Variants in ARHGAP35 observed in about 807,000 individuals in gnomAD.
ARHGAP35 encodes Rho GTPase activating protein 35.
ARHGAP35 carries 15 observed loss-of-function variants against 111.1 expected under a neutral mutation model. That is an observed-to-expected ratio of 0.13 (90% confidence interval 0.09 to 0.21). The LOEUF is 0.21. ARHGAP35 is among the 10% of genes least tolerant of loss of function. The probability of loss-of-function intolerance (pLI) is 1.00; values close to 1 mark genes in which losing one functional copy is unlikely to be tolerated. For synonymous variants in ARHGAP35, 643 were observed against 710.3 expected (o/e 0.91, Z 1.51); for missense variants, 1,262 against 1,873.0 (o/e 0.67, Z 6.02).
At chr19:46,904,918 T>C (rs1412509002) in intron 1 of ARHGAP35, among the ~76,000 whole-genome samples, 1 of 152,174 alleles carries the variant, frequency 6.6e-6, no homozygotes. Context: ...CGCGTTCCTG[T>C]TCTCCAGCCA....
intron 3 of ARHGAP35, among the ~76,000 whole-genome samples, chr19:46,959,892 G>A (rs1975597116): frequency 6.6e-6 from 1 of 151,650 alleles, no homozygotes; most frequent in South Asian, 2.1e-4. Flanking sequence ...GAGCCTAGGA[G>A]TTCGAGACCA....
chr19:47,001,296 T>C lies in ARHGAP35; in HGVS notation c.*608T>C. 2 of 1,290,138 alleles carry C rather than the reference T, an allele frequency of 1.6e-6. No homozygotes were observed. The highest frequency in any genetic ancestry group is 2.0e-6 in the Non-Finnish European group (2 of 989,230). 79.9% of individuals were successfully genotyped at this position (1,290,138 alleles called of 1,614,324 possible). ...TAGCTTTGTGCCTGGACCCAGAGAGTGTGGGACTCCCCGCTTCATCCCCAC... is the reference window on the plus strand; with the variant it reads ...TAGCTTTGTGCCTGGACCCAGAGAGCGTGGGACTCCCCGCTTCATCCCCAC... On this transcript the variant is annotated 3_prime_UTR_variant, in exon 7 of 7. Coordinates refer to ENST00000672722, the MANE Select transcript of ARHGAP35 (RefSeq NM_004491.5). The surrounding 1 kb of genome is among the most constrained non-coding windows in gnomAD (Gnocchi z 5.4).
At chr19:46,912,626 G>A (rs796118982) in intron 1 of ARHGAP35, among the ~76,000 whole-genome samples, 30 of 152,186 alleles carry the variant, frequency 2.0e-4, no homozygotes, top group African/African-American at 7.0e-4. Context: ...AAAGTGTTGC[G>A]ATTACAGGCA....
chr19:46,928,474 G>T (rs1186866918), intron 2 of ARHGAP35, among the ~76,000 whole-genome samples: 1 of 152,122 alleles, frequency 6.6e-6, no homozygotes, highest in African/African-American at 2.4e-5. Flanking sequence ...GCGTTGGAAA[G>T]TCCAAATTCA....
chr19:46,940,777 G>A (rs952894078), intron 3 of ARHGAP35, among the ~76,000 whole-genome samples: 1 of 151,952 alleles, frequency 6.6e-6, no homozygotes, highest in Non-Finnish European at 1.5e-5. Flanking sequence ...TAGTTTTTTG[G>A]ATATTTCATC....
intron 3 of ARHGAP35, among the ~76,000 whole-genome samples, chr19:46,982,462 G>A (rs937835762): frequency 6.6e-6 from 1 of 150,750 alleles, no homozygotes; most frequent in Non-Finnish European, 1.5e-5. Context: ...GGGCAACAGA[G>A]TGAGACTTTG....
At chr19:46,929,545 T>C (rs932032639) in intron 2 of ARHGAP35, among the ~76,000 whole-genome samples, 6 of 151,546 alleles carry the variant, frequency 4.0e-5, no homozygotes, top group African/African-American at 1.5e-4. Flanking sequence ...CAGATGGCAC[T>C]GTCCATGTTC....
At chr19:46,927,413 A>G (rs1272398618) in intron 2 of ARHGAP35, among the ~76,000 whole-genome samples, 1 of 152,230 alleles carries the variant, frequency 6.6e-6, no homozygotes, top group Non-Finnish European at 1.5e-5. Flanking sequence ...AAACTGCGGT[A>G]TCAGGAAAGC....
At chr19:46,895,252 C>T (rs1224445844) in intron 1 of ARHGAP35, among the ~76,000 whole-genome samples, 2 of 151,924 alleles carry the variant, frequency 1.3e-5, no homozygotes, top group African/African-American at 4.8e-5. Context: ...CAAGCTCCAC[C>T]TCCCGGGTTC....
chr19:46,939,264 C>T (rs188144176), intron 3 of ARHGAP35, among the ~76,000 whole-genome samples: 2 of 152,178 alleles, frequency 1.3e-5, no homozygotes, highest in East Asian at 3.9e-4. Flanking sequence ...CGTGAGCTAC[C>T]ATGCCTGGCT....
At position 46,988,113 on chromosome 19, in the gene ARHGAP35, C is replaced by G; in HGVS notation, c.3904+47C>G. On this transcript the variant is annotated intron_variant, in intron 4 of 6. Transcript: ENST00000672722. This position sits in a 1 kb window ranked among gnomAD's most constrained non-coding sequence, Gnocchi z 5.4. ...CATCCGAGGCCAGAGCTGGTCAAGG[C>G]AGACACAGCTGCCTCGGTGAACTGT... 6.4e-7 allele frequency: 1 copy of G among 1,572,932 alleles called. No homozygotes were observed. Among genetic ancestry groups the G allele is most frequent in the Non-Finnish European group, 8.7e-7 (1 of 1,148,294 alleles).
At chr19:46,872,516 T>C (rs189851623) in intron 1 of ARHGAP35, among the ~76,000 whole-genome samples, 9 of 152,038 alleles carry the variant, frequency 5.9e-5, no homozygotes, top group Admixed American at 3.9e-4. Context: ...AAGAAATTCA[T>C]GGTAAGATCT....
At chr19:46,966,849 A>T (rs8101884) in intron 3 of ARHGAP35, among the ~76,000 whole-genome samples, 36,017 of 152,156 alleles carry the variant, frequency 0.24, 4,491 homozygotes, top group Non-Finnish European at 0.28. Context: ...CTCCACAGTC[A>T]GTTTGCCCAG....
At chr19:46,933,137 C>CTTTTTTTTT (rs1174653724) in intron 2 of ARHGAP35, among the ~76,000 whole-genome samples, 1 of 99,544 alleles carries the variant, frequency 1.0e-5, no homozygotes, top group African/African-American at 4.2e-5. Context: ...AGTGTGCCTT[C>CTTTTTTTTT]TTTTTTTTTT....
intron 3 of ARHGAP35, among the ~76,000 whole-genome samples, chr19:46,951,826 G>A (rs2056414773): frequency 1.3e-5 from 2 of 152,178 alleles, no homozygotes; most frequent in South Asian, 4.1e-4. Context: ...AGGGAGAGTA[G>A]CCCACGTGAC....
intron 2 of ARHGAP35, among the ~76,000 whole-genome samples, chr19:46,924,773 T>C (rs1016132956): frequency 6.6e-6 from 1 of 152,248 alleles, no homozygotes; most frequent in Non-Finnish European, 1.5e-5. Flanking sequence ...CTGACAGTCT[T>C]CTAATTTGTG....
intron 1 of ARHGAP35, among the ~76,000 whole-genome samples, chr19:46,893,181 A>T (rs2056034606): frequency 6.6e-6 from 1 of 152,180 alleles, no homozygotes; most frequent in African/African-American, 2.4e-5. Context: ...AAACCCTTAG[A>T]GTTTCACTGA....
At chr19:46,917,593 G>T (rs1274611935) in intron 1 of ARHGAP35, among the ~76,000 whole-genome samples, 1 of 152,090 alleles carries the variant, frequency 6.6e-6, no homozygotes. Flanking sequence ...GGGCTACAGA[G>T]CAGGACTCTG....
chr19:46,866,093 G>C (rs2055854903), intron 1 of ARHGAP35, among the ~76,000 whole-genome samples: 1 of 152,040 alleles, frequency 6.6e-6, no homozygotes. Flanking sequence ...CACCTGCCTC[G>C]GCCTCCCAAA....
Sources: gnomAD v4.1 joint callset for allele counts (sites outside exome capture counted in the v4.1 genomes callset) on GRCh38, gnomAD v4.1.1 for gene constraint, Gnocchi (gnomAD v3.1) non-coding constraint, MANE v1.5 for transcripts, NCBI Gene and HGNC (gene_info 2026-07-23, HGNC 2026-07-21) for gene names.